The following ZNF385C variants were observed in gnomAD, a reference collection of about 807,000 sequenced individuals.
The protein encoded by ZNF385C is zinc finger protein 385C.
A neutral mutation model predicts 35.4 loss-of-function variants in ZNF385C; 28 were observed. The ratio of observed to expected loss-of-function variants is 0.79; its 90% CI spans 0.59 to 1.08. The LOEUF (loss-of-function observed/expected upper bound fraction) is 1.08. Ranked by LOEUF, ZNF385C falls within the 50% of genes least tolerant of loss-of-function variation. ZNF385C has a pLI of 0.00. For missense variants in ZNF385C, 605 were observed against 595.6 expected (o/e 1.02, Z -0.16); for synonymous variants, 248 against 248.2 (o/e 1.00, Z 0.01).
chr17:42,038,378 T>C (rs2052916390), intron 2 of ZNF385C: 1 of 351,952 alleles, frequency 2.8e-6, no homozygotes, highest in Admixed American at 4.7e-5. Flanking sequence ...CAGGAGGGAA[T>C]GGGAAACCCA....
intron 1 of ZNF385C, 78 bp from the exon 2 acceptor site, chr17:42,063,136 G>A (rs975972947): frequency 3.0e-5 from 17 of 558,122 alleles, no homozygotes; most frequent in African/African-American, 2.3e-4. Flanking sequence ...GCTCAAGACC[G>A]GGAGACACGG....
chr17:42,043,151 G>A (rs1437119156), intron 2 of ZNF385C: 3 of 1,232,088 alleles, frequency 2.4e-6, no homozygotes, highest in East Asian at 6.3e-5. Context: ...TGGCGCAGCA[G>A]GGCGTGGCGC....
chr17:42,062,722 C>A (rs2053481151), intron 2 of ZNF385C, 85 bp downstream of exon 2: 1 of 450,562 alleles, frequency 2.2e-6, no homozygotes, highest in Non-Finnish European at 3.9e-6. Context: ...GGAGGGAGGC[C>A]ACAGACCCAG....
chr17:42,059,555 G>A (rs953328920), intron 2 of ZNF385C, among the ~76,000 whole-genome samples: 2 of 152,196 alleles, frequency 1.3e-5, no homozygotes, highest in Admixed American at 6.5e-5. Context: ...GGGGGAGTCC[G>A]CAGCCATCTG....
intron 2 of ZNF385C, chr17:42,040,067 G>C (rs1398951940): frequency 4.1e-6 from 5 of 1,231,198 alleles, no homozygotes; most frequent in Non-Finnish European, 5.1e-6. Flanking sequence ...CCCAGCGCCC[G>C]CTGGCGCACC....
At position 42,031,786 on chromosome 17, in the gene ZNF385C, TG is replaced by T. The variant is rs1555655029; in HGVS notation, c.511-3del. On this transcript the variant is annotated splice_region_variant and splice_polypyrimidine_tract_variant and intron_variant, in intron 4 of 8. Coordinates refer to ENST00000692273, the MANE Select transcript of ZNF385C (RefSeq NM_001392013.1). The stretch of plus-strand genomic sequence containing the variant: ...TTTATAATGTGCCTCGGCCTGGTTC[TG>T]GGGAGGGGAGGGCAAGAGGTCACCA... The T allele has an allele frequency of 6.4e-7, 1 of 1,550,574 alleles. No individual in the cohort carries two copies. Among genetic ancestry groups the T allele is most frequent in the South Asian group, 1.2e-5 (1 of 84,042 alleles).
At chr17:42,096,347 T>C (rs539538606) in intron 1 of ZNF385C, among the ~76,000 whole-genome samples, 2 of 152,272 alleles carry the variant, frequency 1.3e-5, no homozygotes, top group East Asian at 3.9e-4. Flanking sequence ...GTATGGAGAA[T>C]GTGGTCTTGG....
rs544975675 is a variant in ZNF385C, at chr17:42,029,019, G to A, written c.731C>T (p.Pro244Leu). 1.3e-6 allele frequency: 2 copies of A among 1,550,414 alleles called. No individual in the cohort carries two copies. Among genetic ancestry groups the A allele is most frequent in the Admixed American group, 2.0e-5 (1 of 51,010 alleles). ...TGAGTGGGCTGGCTCCCTGCATGTA[G>A]GGTCTGGAGTTGGTGGTGGCTGGAG... is the stretch of plus-strand genomic sequence containing the variant. ...PPLQPPPTPD[P>L]TCREPAHSEL... The change falls in exon 6 of 9, where the codon CCT becomes CTT. Residue 244 changes from proline (P) to leucine (L), a missense_variant. Physicochemically the swap from Pro to Leu is moderately conservative, Grantham distance 98 (BLOSUM62 -3). Transcript: ENST00000692273.
In ZNF385C at chr17:42,026,286, T is replaced by C. The variant is rs988547411; in HGVS notation, c.*611A>G. On this transcript the variant is annotated 3_prime_UTR_variant, in exon 9 of 9. Transcript: ENST00000692273. ...CCAACCAGAACATCACCTCCTCTCT[T>C]AGTCCCACCCCTTCAGAGCAGATGA... is the stretch of plus-strand genomic sequence containing the variant. 5 of 154,848 alleles carry C rather than the reference T, an allele frequency of 3.2e-5. No individual in the cohort carries two copies. The highest frequency in any genetic ancestry group is 9.6e-5 in the African/African-American group (4 of 41,460). 9.6% of individuals were successfully genotyped at this position (154,848 alleles called of 1,614,324 possible). A position where few individuals can be genotyped will look rare whatever the true frequency, so the allele number is the denominator to read the frequency against.
intron 1 of ZNF385C, among the ~76,000 whole-genome samples, chr17:42,079,823 A>G (rs2053729828): frequency 1.4e-5 from 2 of 146,438 alleles, no homozygotes; most frequent in African/African-American, 2.6e-5. Context: ...CTAATGGAGC[A>G]AAAAAAAAGA....
chr17:42,051,598 G>A (rs2053282256), intron 2 of ZNF385C, among the ~76,000 whole-genome samples: 1 of 152,148 alleles, frequency 6.6e-6, no homozygotes, highest in Non-Finnish European at 1.5e-5. Flanking sequence ...GAGGTGCTAG[G>A]TGTGGAGGCC....
intron 1 of ZNF385C, among the ~76,000 whole-genome samples, chr17:42,088,342 T>A (rs561763109): frequency 1.3e-5 from 2 of 152,304 alleles, no homozygotes; most frequent in African/African-American, 4.8e-5. Context: ...CCAGGTCACC[T>A]CCCTCCCTCC....
intron 4 of ZNF385C, among the ~76,000 whole-genome samples, chr17:42,032,508 T>A (rs1353705118): frequency 7.9e-5 from 12 of 152,224 alleles, no homozygotes; most frequent in African/African-American, 2.9e-4. Context: ...AGGTGCTCAA[T>A]GAATGTTAGT....
intron 1 of ZNF385C, among the ~76,000 whole-genome samples, chr17:42,070,399 C>T (rs1233791619): frequency 6.6e-6 from 1 of 152,102 alleles, no homozygotes; most frequent in African/African-American, 2.4e-5. Context: ...CTCCTAGGTC[C>T]TTTGCAGGCT....
chr17:42,041,530 CAACTTTTGTTGTGGTAAAAGCACTTTATG>C (rs2053021499), intron 2 of ZNF385C, among the ~76,000 whole-genome samples: 1 of 152,188 alleles, frequency 6.6e-6, no homozygotes, highest in Non-Finnish European at 1.5e-5. Context: ...TTATAAACAT[CAACTTTTGTTGTGGTAAAAGCACTTTATG>C]AATCATAAAG....
chr17:42,039,394 G>A (rs1388940536), intron 2 of ZNF385C: 1 of 290,234 alleles, frequency 3.4e-6, no homozygotes, highest in African/African-American at 2.2e-5. Context: ...ACCCAAACTT[G>A]CCCCGAGTCC....
At chr17:42,082,754 G>A (rs1458005762) in intron 1 of ZNF385C, among the ~76,000 whole-genome samples, 2 of 152,170 alleles carry the variant, frequency 1.3e-5, no homozygotes, top group African/African-American at 4.8e-5. Flanking sequence ...GCAACATAAT[G>A]AGACCCTGTC....
chr17:42,097,810 G>A (rs2053932943), intron 1 of ZNF385C, among the ~76,000 whole-genome samples: 1 of 152,176 alleles, frequency 6.6e-6, no homozygotes, highest in African/African-American at 2.4e-5. Context: ...CTGTGACACA[G>A]ACACAGAAAA....
At position 42,095,065 on chromosome 17, in the gene ZNF385C, C is replaced by A. The variant is rs2053903671; in HGVS notation, c.-3+3345G>T. The stretch of plus-strand genomic sequence containing the variant: ...GGGTTAGTGCAGGCGGGCATGCGTA[C>A]CTGAGTGAGTTTGTGAGTGTCTGTA... On this transcript the variant is annotated intron_variant, in intron 1 of 8. Coordinates refer to ENST00000692273, the MANE Select transcript of ZNF385C (RefSeq NM_001392013.1). This position sits in a 1 kb window ranked among gnomAD's most constrained non-coding sequence, Gnocchi z 4.4. 6.6e-6 allele frequency among the ~76,000 whole-genome samples: 1 copy of A among 152,126 alleles called. No individual in the cohort carries two copies. Among genetic ancestry groups the A allele is most frequent in the South Asian group, 2.1e-4 (1 of 4,828 alleles).
Sources: allele counts gnomAD v4.1 joint callset (sites outside exome capture counted in the v4.1 genomes callset), GRCh38; gene constraint gnomAD v4.1.1; non-coding constraint Gnocchi (gnomAD v3.1); transcripts MANE v1.5; gene names NCBI Gene and HGNC (gene_info 2026-07-23, HGNC 2026-07-21).